NRXN1: variants seen among roughly 807,000 people sequenced by gnomAD.
The protein encoded by NRXN1 is neurexin-1.
Under a neutral mutation model 150.9 loss-of-function variants are expected in NRXN1, and 39 were observed. That is an observed-to-expected ratio of 0.26 (90% CI 0.20 to 0.34). The LOEUF (loss-of-function observed/expected upper bound fraction) is 0.34. Ranked by LOEUF, NRXN1 falls within the 10% of genes least tolerant of loss-of-function variation. The pLI, the probability that NRXN1 is intolerant of heterozygous loss-of-function variation, is 1.00. For synonymous variants in NRXN1, 924 were observed against 757.0 expected, an observed-to-expected ratio of 1.22 and a Z score of -3.62; for missense variants, 1,815 against 1,949.9, an observed-to-expected ratio of 0.93 and a Z score of 1.30.
chr2:50,671,778 A>C (rs982916803), intron 5 of NRXN1, among the ~76,000 whole-genome samples: 3 of 151,858 alleles, frequency 2.0e-5, no homozygotes, highest in Non-Finnish European at 4.4e-5. Flanking sequence ...TATTTTGTTA[A>C]GCTAACATAA....
At position 50,951,963 on chromosome 2, in the gene NRXN1, A is replaced by ATTTTTTT. The variant is rs1295565122; in HGVS notation, c.773-26015_773-26009dup. Among the ~76,000 whole-genome samples, 66 of 74,812 alleles carry ATTTTTTT rather than the reference A, an allele frequency of 8.8e-4. 2 individuals carry two copies. Among genetic ancestry groups the ATTTTTTT allele is most frequent in the Non-Finnish European group, 9.9e-4 (43 of 43,546 alleles). 49.1% of individuals were successfully genotyped at this position (74,812 alleles called of 152,430 possible). On this transcript the variant is annotated intron_variant, in intron 2 of 22. Coordinates refer to ENST00000401669, the MANE Select transcript of NRXN1 (RefSeq NM_001330078.2). ...AATAAATATATATATATATATATAT[A>ATTTTTTT]TTTTTTTTTTTTTTTTTTTTTGAGA...
intron 8 of NRXN1, among the ~76,000 whole-genome samples, chr2:50,572,314 G>T (rs1230240389): frequency 6.6e-6 from 1 of 152,180 alleles, no homozygotes; most frequent in Admixed American, 6.6e-5. Flanking sequence ...AAATTCTGCT[G>T]CCAGAAATCC....
At chr2:50,682,847 A>G (rs1261563639) in intron 5 of NRXN1, among the ~76,000 whole-genome samples, 2 of 152,128 alleles carry the variant, frequency 1.3e-5, no homozygotes, top group African/African-American at 2.4e-5. Flanking sequence ...TCTTTAGTGG[A>G]CTCAATAGCT....
chr2:50,650,253 C>T lies in NRXN1; in HGVS notation c.833-26638G>A, dbSNP rs78494737. ...ATGCTTTGTGATGCCAGACCTCTTG[C>T]TTTTTACTGCCTTTATATACATGAT... On this transcript the variant is annotated intron_variant, in intron 5 of 22. Transcript: ENST00000401669. 5.8e-3 allele frequency among the ~76,000 whole-genome samples: 883 copies of T among 152,152 alleles called. 8 individuals are homozygous for T. The highest frequency in any genetic ancestry group is 0.021 in the African/African-American group (854 of 41,550).
chr2:51,011,894 A>T (rs1667935360), intron 2 of NRXN1, among the ~76,000 whole-genome samples: 1 of 152,058 alleles, frequency 6.6e-6, no homozygotes, highest in Non-Finnish European at 1.5e-5. Context: ...CTATAGCAGC[A>T]ATCCTGATGA....
rs1440193822 is a variant in NRXN1, at chr2:50,982,809, TAATAA to T, written c.772+44688_772+44692del. 3.3e-5 allele frequency among the ~76,000 whole-genome samples: 5 copies of T among 152,074 alleles called. No homozygotes were observed. In the East Asian group the frequency reaches 5.8e-4, roughly 18 times the overall value. ...CTAATACTAATTTTAACCATACACT[TAATAA>T]AATGATCCAAACTCATAAATGTATT... On this transcript the variant is annotated intron_variant, in intron 2 of 22. Coordinates refer to ENST00000401669, the MANE Select transcript of NRXN1 (RefSeq NM_001330078.2).
chr2:50,052,709 G>C (rs1692912862), intron 21 of NRXN1, among the ~76,000 whole-genome samples: 1 of 152,120 alleles, frequency 6.6e-6, no homozygotes, highest in South Asian at 2.1e-4. Flanking sequence ...TTTTGGGTTT[G>C]TGTGCTCAGA....
chr2:50,823,032 T>C (rs75444794), intron 5 of NRXN1, among the ~76,000 whole-genome samples: 11,469 of 152,228 alleles, frequency 0.075, 538 homozygotes, highest in Middle Eastern at 0.13. Context: ...AAAGTAACTA[T>C]AGACGTCAAT....
At chr2:50,401,895 T>G (rs1003117045) in intron 17 of NRXN1, among the ~76,000 whole-genome samples, 1 of 152,130 alleles carries the variant, frequency 6.6e-6, no homozygotes, top group Non-Finnish European at 1.5e-5. Context: ...GCCTTTTCAC[T>G]TCCTGGAAGC....
chr2:50,627,394 T>TGTGTGTGTGTGC (rs1553903148), intron 5 of NRXN1, among the ~76,000 whole-genome samples: 3 of 115,792 alleles, frequency 2.6e-5, no homozygotes, highest in African/African-American at 8.3e-5. Flanking sequence ...TGTGTGTGTG[T>TGTGTGTGTGTGC]GCGCATACTA....
intron 2 of NRXN1, among the ~76,000 whole-genome samples, chr2:50,961,673 C>A (rs971423952): frequency 6.6e-6 from 1 of 151,762 alleles, no homozygotes; most frequent in Admixed American, 6.6e-5. Context: ...TATCATCAAT[C>A]AGATCAGATA....
At chr2:50,517,598 T>C (rs1447866788) in intron 12 of NRXN1, among the ~76,000 whole-genome samples, 1 of 152,152 alleles carries the variant, frequency 6.6e-6, no homozygotes, top group Admixed American at 6.6e-5. Context: ...AGAACTTGAG[T>C]AACTCAGTTA....
chr2:50,088,492 G>C (rs1199492225), intron 19 of NRXN1, among the ~76,000 whole-genome samples: 1 of 152,044 alleles, frequency 6.6e-6, no homozygotes, highest in South Asian at 2.1e-4. Flanking sequence ...ATATCCTTCA[G>C]AATAATTGCA....
intron 5 of NRXN1, among the ~76,000 whole-genome samples, chr2:50,880,584 A>T (rs1203789466): frequency 2.0e-5 from 3 of 152,024 alleles, no homozygotes; most frequent in East Asian, 2.0e-4. Context: ...AATTGTCATT[A>T]TGGTTTCTGA....
intron 18 of NRXN1, among the ~76,000 whole-genome samples, chr2:50,101,990 C>T (rs1047942359): frequency 6.6e-6 from 1 of 151,900 alleles, no homozygotes; most frequent in South Asian, 2.1e-4. Flanking sequence ...GACTAGCTGT[C>T]CGACATCCTT....
At chr2:50,965,830 G>A (rs920815348) in intron 2 of NRXN1, among the ~76,000 whole-genome samples, 1 of 151,540 alleles carries the variant, frequency 6.6e-6, no homozygotes, top group Admixed American at 6.6e-5. Context: ...TGATTTTCTA[G>A]TTAAAATTGA....
intron 21 of NRXN1, among the ~76,000 whole-genome samples, chr2:49,965,048 T>G (rs1349545731): frequency 1.3e-5 from 2 of 151,704 alleles, no homozygotes; most frequent in East Asian, 4.0e-4. Context: ...CCTAGCTATT[T>G]TTTGTATTTT....
At chr2:50,389,853 G>A (rs1404350700) in intron 17 of NRXN1, among the ~76,000 whole-genome samples, 1 of 152,096 alleles carries the variant, frequency 6.6e-6, no homozygotes, top group Non-Finnish European at 1.5e-5. Flanking sequence ...CCCAGGGAAG[G>A]CCTCATATTC....
intron 17 of NRXN1, among the ~76,000 whole-genome samples, chr2:50,352,679 C>T (rs1572645032): frequency 6.6e-6 from 1 of 150,854 alleles, no homozygotes; most frequent in South Asian, 2.1e-4. Context: ...TAAAGCTAAA[C>T]CCCTGATCCT....
Sources: gnomAD v4.1 joint callset for allele counts (sites outside exome capture counted in the v4.1 genomes callset) on GRCh38, gnomAD v4.1.1 for gene constraint, MANE v1.5 for transcripts, NCBI Gene and HGNC (gene_info 2026-07-23, HGNC 2026-07-21) for gene names.